SLC4A4: variants seen among roughly 807,000 people sequenced by gnomAD.
SLC4A4 encodes the protein solute carrier family 4 member 4.
Under a neutral mutation model 111.5 loss-of-function variants are expected in SLC4A4, and 27 were observed. The observed-to-expected ratio is 0.24, with a 90% CI of 0.18 to 0.33. SLC4A4 has a LOEUF of 0.33. SLC4A4 is among the 10% of genes least tolerant of loss of function. SLC4A4 has a pLI of 1.00. For missense variants in SLC4A4, 909 were observed against 1,315.5 expected (o/e 0.69, Z 4.78); for synonymous variants, 443 against 463.4 (o/e 0.96, Z 0.57).
At chr4:71,523,766 A>G (rs1326850798) in intron 16 of SLC4A4, among the ~76,000 whole-genome samples, 1 of 152,150 alleles carries the variant, frequency 6.6e-6, no homozygotes, top group African/African-American at 2.4e-5. Context: ...ACTCTTGTGT[A>G]TTAATATAAA....
chr4:71,403,203 C>A (rs1348073887), intron 7 of SLC4A4, among the ~76,000 whole-genome samples: 1 of 151,980 alleles, frequency 6.6e-6, no homozygotes, highest in African/African-American at 2.4e-5. Flanking sequence ...AAAAAAGGAG[C>A]CTTTTGTGAA....
At chr4:71,335,064 G>A (rs1056829833) in intron 3 of SLC4A4, among the ~76,000 whole-genome samples, 11 of 152,156 alleles carry the variant, frequency 7.2e-5, no homozygotes, top group African/African-American at 1.7e-4. Flanking sequence ...AGGGGCCTAC[G>A]TGAAGTGGAG....
chr4:71,382,511 G>A (rs75531308), intron 6 of SLC4A4, among the ~76,000 whole-genome samples: 123 of 152,250 alleles, frequency 8.1e-4, no homozygotes, highest in African/African-American at 2.7e-3. Context: ...CAATCCTCAC[G>A]CTTTTTCTTG....
chr4:71,083,814 G>A (rs571546203), intron 1 of SLC4A4, among the ~76,000 whole-genome samples: 1 of 129,924 alleles, frequency 7.7e-6, no homozygotes, highest in South Asian at 2.4e-4. Flanking sequence ...AAGTCCTAAT[G>A]GATAGTTTAT....
At chr4:71,451,329 T>A in intron 11 of SLC4A4, 28 bp downstream of exon 11, 1 of 1,345,982 alleles carries the variant, frequency 7.4e-7, no homozygotes, top group Non-Finnish European at 1.1e-6. Context: ...TTGCCATTCA[T>A]GATGAGGTTC....
intron 21 of SLC4A4, among the ~76,000 whole-genome samples, chr4:71,557,319 A>G (rs1002148418): frequency 6.6e-6 from 1 of 152,006 alleles, no homozygotes; most frequent in East Asian, 1.9e-4. Context: ...TTCAGATAAG[A>G]CAACTGAGGC....
chr4:71,444,099 G>A (rs556802598), intron 8 of SLC4A4, among the ~76,000 whole-genome samples: 1 of 152,192 alleles, frequency 6.6e-6, no homozygotes, highest in Admixed American at 6.5e-5. Flanking sequence ...TACATGCTGA[G>A]TTTATGCTAG....
At chr4:71,277,523 C>G (rs183688328) in intron 3 of SLC4A4, among the ~76,000 whole-genome samples, 121 of 149,722 alleles carry the variant, frequency 8.1e-4, no homozygotes, top group East Asian at 2.4e-3. Context: ...CTTTTCCTTC[C>G]TTCCTTCCTT....
chr4:71,446,674 T>C (rs1468448861), intron 8 of SLC4A4, among the ~76,000 whole-genome samples: 1 of 152,214 alleles, frequency 6.6e-6, no homozygotes, highest in East Asian at 1.9e-4. Context: ...GTGATGAATG[T>C]GAAGTGCTTT....
At chr4:71,353,659 G>T (rs1166124251) in intron 5 of SLC4A4, among the ~76,000 whole-genome samples, 1 of 151,958 alleles carries the variant, frequency 6.6e-6, no homozygotes, top group African/African-American at 2.4e-5. Flanking sequence ...CCCAAATCAT[G>T]CTGATACTTC....
chr4:71,073,334 C>A (rs943159877), intron 1 of SLC4A4, among the ~76,000 whole-genome samples: 7 of 152,082 alleles, frequency 4.6e-5, no homozygotes, highest in Non-Finnish European at 8.8e-5. Context: ...TGAGAGCGGT[C>A]ATCTTTGAGC....
At chr4:71,273,039 A>G (rs772018244) in intron 3 of SLC4A4, among the ~76,000 whole-genome samples, 1 of 152,354 alleles carries the variant, frequency 6.6e-6, no homozygotes, top group East Asian at 1.9e-4. Flanking sequence ...CACGTCTACC[A>G]TCACTACAAT....
intron 1 of SLC4A4, among the ~76,000 whole-genome samples, chr4:71,192,179 G>A (rs1745762005): frequency 6.6e-6 from 1 of 151,994 alleles, no homozygotes; most frequent in Non-Finnish European, 1.5e-5. Context: ...AAACTTGTGG[G>A]ATATGGACTT....
At chr4:71,484,305 G>A (rs1027111773) in intron 14 of SLC4A4, among the ~76,000 whole-genome samples, 33 of 151,534 alleles carry the variant, frequency 2.2e-4, no homozygotes, top group Non-Finnish European at 4.1e-4. Context: ...TTATAGTCTT[G>A]GGTTTTGCAT....
In SLC4A4 at chr4:71,138,079, T is replaced by C. The variant is rs142795906; in HGVS notation, c.-2+45287T>C. On this transcript the variant is annotated intron_variant, in intron 2 of 26. Coordinates refer to the SLC4A4 transcript ENST00000649996. ...ATTTAACAGTGTCATAGCAGGTCTC[T>C]AAAAGATAGATTTCATGCAATATGT... Among the ~76,000 whole-genome samples the C allele has an allele frequency of 3.8e-3, 583 of 152,338 alleles. 3 individuals are homozygous for C. Among genetic ancestry groups the C allele is most frequent in the African/African-American group, 0.013 (549 of 41,590 alleles).
At chr4:71,300,734 G>T in intron 3 of SLC4A4, 1 of 376,254 alleles carries the variant, frequency 2.7e-6, no homozygotes. Context: ...GGGGGCCTGG[G>T]AAGGGTGTTT....
At chr4:71,252,681 A>G (rs1721146248) in intron 2 of SLC4A4, among the ~76,000 whole-genome samples, 8 of 152,172 alleles carry the variant, frequency 5.3e-5, no homozygotes, top group Admixed American at 4.6e-4. Flanking sequence ...AGAGAATGGT[A>G]GCTTCGCAGA....
chr4:71,147,652 A>T (rs1396623617), intron 2 of SLC4A4, among the ~76,000 whole-genome samples: 1 of 152,142 alleles, frequency 6.6e-6, no homozygotes, highest in Non-Finnish European at 1.5e-5. Flanking sequence ...AAGCTAATTT[A>T]TAGCATTGTG....
chr4:71,450,637 T>C, intron 10 of SLC4A4, 94 bp downstream of exon 10: 1 of 1,215,636 alleles, frequency 8.2e-7, no homozygotes, highest in Non-Finnish European at 1.2e-6. Context: ...CCTGTTGTTC[T>C]AATATTTTCA....
Sources: allele counts gnomAD v4.1 joint callset (sites outside exome capture counted in the v4.1 genomes callset), GRCh38; gene constraint gnomAD v4.1.1; transcripts MANE v1.5; gene names NCBI Gene and HGNC (gene_info 2026-07-23, HGNC 2026-07-21).